Variants in AKAP19 observed in about 807,000 individuals in gnomAD.
AKAP19 encodes small A-kinase anchoring protein.
chr2:190,150,191 C>T, the AKAP19 span: 1 of 152,292 alleles, frequency 6.6e-6, no homozygotes, highest in East Asian at 1.9e-4. Flanking sequence ...TCTGTGGAGT[C>T]TGCACACAGG....
the AKAP19 span, among the ~76,000 whole-genome samples, chr2:190,193,517 A>C: frequency 8.2e-4 from 125 of 152,132 alleles, no homozygotes; most frequent in Non-Finnish European, 2.1e-4. Flanking sequence ...AGAGTTCTCT[A>C]GTGTAGCCAT....
At chr2:189,941,591 TATAAA>T in the AKAP19 span, among the ~76,000 whole-genome samples, 1 of 152,186 alleles carries the variant, frequency 6.6e-6, no homozygotes, top group Non-Finnish European at 1.5e-5. Flanking sequence ...CCAAAGTAAA[TATAAA>T]ATAAAATAAC....
the AKAP19 span, among the ~76,000 whole-genome samples, chr2:189,902,493 A>G: frequency 6.6e-6 from 1 of 151,980 alleles, no homozygotes; most frequent in Admixed American, 6.6e-5. Flanking sequence ...TAAATGCATC[A>G]TTTTGGAATA....
the AKAP19 span, among the ~76,000 whole-genome samples, chr2:189,978,699 A>T: frequency 1.1e-3 from 167 of 152,230 alleles, 1 homozygote; most frequent in African/African-American, 3.9e-3. Context: ...ATGGCCTTCA[A>T]CTACATCCAT....
the AKAP19 span, among the ~76,000 whole-genome samples, chr2:190,020,109 G>A: frequency 3.3e-5 from 5 of 152,216 alleles, no homozygotes; most frequent in African/African-American, 1.2e-4. Context: ...ACTCTATGTC[G>A]ACTGTTAGCA....
chr2:190,140,280 C>A, the AKAP19 span, among the ~76,000 whole-genome samples: 138,625 of 152,108 alleles, frequency 0.91, 64,080 homozygotes, highest in East Asian at 1. Flanking sequence ...GGTGCAAGCT[C>A]TCTGTGGATC....
the AKAP19 span, among the ~76,000 whole-genome samples, chr2:190,148,248 C>T: frequency 6.6e-6 from 1 of 152,148 alleles, no homozygotes; most frequent in Non-Finnish European, 1.5e-5. Context: ...GCTTTTTCTG[C>T]ATCTATTGAG....
chr2:190,157,036 C>T, the AKAP19 span, among the ~76,000 whole-genome samples: 1 of 152,076 alleles, frequency 6.6e-6, no homozygotes, highest in Non-Finnish European at 1.5e-5. Flanking sequence ...ACAGCATACT[C>T]ATATCATTAG....
At chr2:189,968,462 C>T in the AKAP19 span, among the ~76,000 whole-genome samples, 1 of 152,094 alleles carries the variant, frequency 6.6e-6, no homozygotes, top group Non-Finnish European at 1.5e-5. Context: ...CTGGTCTTCA[C>T]CTCGTGGCCT....
At chr2:190,145,749 T>A in the AKAP19 span, among the ~76,000 whole-genome samples, 358 of 152,076 alleles carry the variant, frequency 2.4e-3, 4 homozygotes, top group African/African-American at 8.1e-3. Flanking sequence ...CTCCTAATAA[T>A]ACATTTCTCA....
At chr2:189,917,152 G>T in the AKAP19 span, 3 of 496,718 alleles carry the variant, frequency 6.0e-6, no homozygotes, top group East Asian at 7.5e-5. Context: ...ATACTGTAAT[G>T]ATTTAAACAA....
At chr2:189,998,628 C>A in the AKAP19 span, among the ~76,000 whole-genome samples, 3 of 151,756 alleles carry the variant, frequency 2.0e-5, no homozygotes, top group Middle Eastern at 3.4e-3. Flanking sequence ...TGATTTGTTT[C>A]TTCTCTTTAT....
At chr2:190,037,189 T>C in the AKAP19 span, among the ~76,000 whole-genome samples, 1 of 152,228 alleles carries the variant, frequency 6.6e-6, no homozygotes, top group Non-Finnish European at 1.5e-5. Context: ...TTCTTGGGAC[T>C]TTCTAAGACT....
the AKAP19 span, among the ~76,000 whole-genome samples, chr2:190,122,808 C>T: frequency 6.0e-5 from 9 of 150,192 alleles, 1 homozygote; most frequent in South Asian, 1.7e-3. Flanking sequence ...CTCTCTCTCT[C>T]TCTTTTTTTT....
At chr2:190,092,205 GA>G in the AKAP19 span, among the ~76,000 whole-genome samples, 1,055 of 152,186 alleles carry the variant, frequency 6.9e-3, 10 homozygotes, top group African/African-American at 0.024. Flanking sequence ...AAATTATCTG[GA>G]TGCTAATTTG....
At chr2:189,969,501 C>T in the AKAP19 span, among the ~76,000 whole-genome samples, 5 of 151,888 alleles carry the variant, frequency 3.3e-5, no homozygotes, top group South Asian at 2.1e-4. Flanking sequence ...GAGGCTGAGG[C>T]GGGTGGATCA....
At chr2:189,917,589 C>T in the AKAP19 span, 2 of 425,334 alleles carry the variant, frequency 4.7e-6, no homozygotes, top group Non-Finnish European at 8.5e-6. Flanking sequence ...CTGGGCTCCA[C>T]ATTTCAACTT....
At chr2:190,057,854 G>C in the AKAP19 span, among the ~76,000 whole-genome samples, 297 of 152,026 alleles carry the variant, frequency 2.0e-3, no homozygotes, top group African/African-American at 6.8e-3. Context: ...ATTCCCCTAA[G>C]GTCAGTACCA....
At chr2:189,944,721 A>T in the AKAP19 span, among the ~76,000 whole-genome samples, 1 of 152,238 alleles carries the variant, frequency 6.6e-6, no homozygotes. Context: ...CATCAAAGTT[A>T]AACTACACAC....
Sources: allele counts gnomAD v4.1 joint callset (sites outside exome capture counted in the v4.1 genomes callset), GRCh38; gene constraint gnomAD v4.1.1; transcripts MANE v1.5; gene names NCBI Gene and HGNC (gene_info 2026-07-23, HGNC 2026-07-21).